ITPK1: variants seen among roughly 807,000 people sequenced by gnomAD.
ITPK1 encodes inositol-tetrakisphosphate 1-kinase, also known as inositol 1,3,4-trisphosphate 5/6-kinase.
ITPK1 carries 21 observed loss-of-function variants against 45.3 expected under a neutral mutation model. That is an observed-to-expected ratio of 0.46 (90% CI 0.33 to 0.67). ITPK1 has a LOEUF of 0.67. Among genes scored for constraint, ITPK1 ranks in the 30% least tolerant of loss-of-function variants. ITPK1 has a pLI of 0.02. For missense variants in ITPK1, 474 were observed against 573.5 expected (o/e 0.83, Z 1.77); for synonymous variants, 258 against 253.6 (o/e 1.02, Z -0.16).
chr14:92,984,281 A>C (rs1165877881), intron 5 of ITPK1, among the ~76,000 whole-genome samples: 1 of 152,208 alleles, frequency 6.6e-6, no homozygotes, highest in Non-Finnish European at 1.5e-5. Flanking sequence ...GGGCGGCCAG[A>C]AGGCACCCAG....
In ITPK1 at chr14:92,939,631, G is replaced by A. The variant is rs1887256289; in HGVS notation, c.*1930C>T. 2.3e-5 allele frequency: 19 copies of A among 809,048 alleles called. No individual in the cohort carries two copies. Among genetic ancestry groups the A allele is most frequent in the Non-Finnish European group, 2.5e-5 (17 of 671,948 alleles). The allele number at this position is 809,048 out of a possible 1,614,324, so 50.1% of individuals were successfully genotyped here. A position where few individuals can be genotyped will look rare whatever the true frequency, so the allele number is the denominator to read the frequency against. On this transcript the variant is annotated 3_prime_UTR_variant, in exon 11 of 11. Transcript: ENST00000267615. ...CACGGAGGCCTATGGACGCCACCAC[G>A]ACACCACATGGCAGTTACTCGGTAT... is the stretch of plus-strand genomic sequence containing the variant.
intron 3 of ITPK1, among the ~76,000 whole-genome samples, chr14:93,023,815 G>A (rs1436769808): frequency 1.3e-5 from 2 of 152,130 alleles, no homozygotes; most frequent in Non-Finnish European, 2.9e-5. Flanking sequence ...ACATCACGAC[G>A]TGGCTATTCC....
chr14:92,958,263 A>G lies in ITPK1; in HGVS notation c.608T>C (p.Val203Ala). 2 of 1,613,330 alleles carry G rather than the reference A, an allele frequency of 1.2e-6. No individual in the cohort carries two copies. Among genetic ancestry groups the G allele is most frequent in the Non-Finnish European group, 1.7e-6 (2 of 1,179,740 alleles). The change falls in exon 8 of 11, where the codon GTT becomes GCT. Residue 203 changes from valine (V) to alanine (A), a missense_variant. Around this residue, in one of 2 missense-constraint regions of ITPK1, gnomAD observed 367 missense variants for 480.6 expected, o/e 0.76. Transcript: ENST00000267615. The surrounding 1 kb of genome is among the most constrained non-coding windows in gnomAD (Gnocchi z 4.4). ...HNAVLYKVFV[V>A]GESYTVVQRP... ...CTGGACCACGGTGTAGGACTCGCCA[A>G]CCACGAACACCTTGTACAGGACGGC... is the stretch of plus-strand genomic sequence containing the variant.
intron 2 of ITPK1, among the ~76,000 whole-genome samples, chr14:93,086,581 G>A (rs1345200379): frequency 6.6e-6 from 1 of 152,100 alleles, no homozygotes; most frequent in Non-Finnish European, 1.5e-5. Context: ...CTGCCACAGG[G>A]CAGACCAGTG....
chr14:92,971,591 C>A (rs868345962), intron 5 of ITPK1, among the ~76,000 whole-genome samples: 2 of 152,320 alleles, frequency 1.3e-5, no homozygotes, highest in African/African-American at 4.8e-5. Flanking sequence ...CAGTAACACG[C>A]CAAGGAACAG....
intron 5 of ITPK1, among the ~76,000 whole-genome samples, chr14:92,980,251 C>G (rs1434265038): frequency 6.6e-6 from 1 of 152,194 alleles, no homozygotes; most frequent in Non-Finnish European, 1.5e-5. Flanking sequence ...CCAGAGAAAA[C>G]ACAAAGAGAA....
At chr14:93,049,655 G>A (rs1889924453) in intron 3 of ITPK1, among the ~76,000 whole-genome samples, 1 of 151,594 alleles carries the variant, frequency 6.6e-6, no homozygotes, top group Non-Finnish European at 1.5e-5. Flanking sequence ...CTGGACTGAG[G>A]GTGGGAGAGC....
intron 2 of ITPK1, among the ~76,000 whole-genome samples, chr14:93,086,988 A>T (rs1891676266): frequency 6.6e-6 from 1 of 152,264 alleles, no homozygotes; most frequent in Non-Finnish European, 1.5e-5. Context: ...ACCCTGACCC[A>T]GTCCCTCCCT....
At chr14:93,020,302 T>G (rs1395122400) in intron 3 of ITPK1, among the ~76,000 whole-genome samples, 1 of 152,108 alleles carries the variant, frequency 6.6e-6, no homozygotes, top group Admixed American at 6.5e-5. Context: ...CCTGACACTA[T>G]CCCTGTCTCT....
In ITPK1 at chr14:93,115,237, G is replaced by T; in HGVS notation, c.-74C>A. ...CCGAGTCTGGCGGCCGGCGCGCGCCGCGAGCGAGTGGGCACCTCCTCCCGG... is the reference window on the plus strand; with the variant it reads ...CCGAGTCTGGCGGCCGGCGCGCGCCTCGAGCGAGTGGGCACCTCCTCCCGG... On this transcript the variant is annotated 5_prime_UTR_variant, in exon 2 of 11. Coordinates refer to ENST00000267615, the MANE Select transcript of ITPK1 (RefSeq NM_014216.6). 9.7e-7 allele frequency: 1 copy of T among 1,033,496 alleles called. No individual in the cohort carries two copies. Among genetic ancestry groups the T allele is most frequent in the Non-Finnish European group, 1.5e-6 (1 of 689,296 alleles). 64.0% of individuals were successfully genotyped at this position (1,033,496 alleles called of 1,614,324 possible).
chr14:93,048,663 T>C (rs1382573525), intron 3 of ITPK1, among the ~76,000 whole-genome samples: 1 of 152,186 alleles, frequency 6.6e-6, no homozygotes, highest in Non-Finnish European at 1.5e-5. Flanking sequence ...AAACACTCTT[T>C]CCCAGCTGGG....
intron 2 of ITPK1, among the ~76,000 whole-genome samples, chr14:93,103,593 GA>G (rs1369527476): frequency 6.6e-6 from 1 of 152,126 alleles, no homozygotes; most frequent in Non-Finnish European, 1.5e-5. Context: ...TCAATCCCCA[GA>G]ACCCAGGAGT....
At chr14:93,075,117 G>A (rs954119389) in intron 3 of ITPK1, among the ~76,000 whole-genome samples, 3 of 151,726 alleles carry the variant, frequency 2.0e-5, no homozygotes, top group South Asian at 4.2e-4. Context: ...ACCTGAGGTC[G>A]GGAGTTCAAG....
intron 5 of ITPK1, among the ~76,000 whole-genome samples, chr14:92,992,265 C>A (rs1886825303): frequency 6.6e-6 from 1 of 152,216 alleles, no homozygotes; most frequent in Non-Finnish European, 1.5e-5. Context: ...ACAAGCACAC[C>A]TTCTGGAAAG....
intron 9 of ITPK1, among the ~76,000 whole-genome samples, chr14:92,947,663 T>C (rs1887752696): frequency 6.6e-6 from 1 of 152,244 alleles, no homozygotes; most frequent in African/African-American, 2.4e-5. Flanking sequence ...ATCTGAATTC[T>C]AGGGCAGGAA....
chr14:92,990,935 C>T (rs1456538861), intron 5 of ITPK1, among the ~76,000 whole-genome samples: 2 of 152,182 alleles, frequency 1.3e-5, no homozygotes, highest in Admixed American at 6.5e-5. Flanking sequence ...GAAGCACCCA[C>T]CCGTCCCCCA....
rs897084677 is a variant in ITPK1 at position 93,036,352 on chromosome 14, A to G, written c.121-19551T>C. ...CATGCTCTGTGACAGCGTGAGAAGA[A>G]CTGCAAACATCTCACTGAGGTTTAA... On this transcript the variant is annotated intron_variant, in intron 3 of 10. Transcript: ENST00000267615. This position sits in a 1 kb window ranked among gnomAD's most constrained non-coding sequence, Gnocchi z 4.1. 2.6e-5 allele frequency among the ~76,000 whole-genome samples: 4 copies of G among 152,222 alleles called. No homozygotes were observed. The highest frequency in any genetic ancestry group is 4.4e-5 in the Non-Finnish European group (3 of 68,032).
intron 5 of ITPK1, among the ~76,000 whole-genome samples, chr14:92,989,172 T>C (rs1334209483): frequency 6.6e-6 from 1 of 152,192 alleles, no homozygotes; most frequent in Non-Finnish European, 1.5e-5. Flanking sequence ...ACTACTCAAT[T>C]TCAACCCAGG....
chr14:93,106,458 A>C (rs1259531212), intron 2 of ITPK1, among the ~76,000 whole-genome samples: 1 of 152,168 alleles, frequency 6.6e-6, no homozygotes, highest in Non-Finnish European at 1.5e-5. Flanking sequence ...GCAGAGGCTT[A>C]TAAGGCTTAT....
Sources: gnomAD v4.1 joint callset for allele counts (sites outside exome capture counted in the v4.1 genomes callset) on GRCh38, gnomAD v4.1.1 for gene constraint, gnomAD v4.1.1 regional missense constraint, Gnocchi (gnomAD v3.1) non-coding constraint, MANE v1.5 for transcripts, NCBI Gene and HGNC (gene_info 2026-07-23, HGNC 2026-07-21) for gene names.